SARNP: variants seen among roughly 807,000 people sequenced by gnomAD.
SARNP encodes the protein SAP domain containing ribonucleoprotein.
Under a neutral mutation model 38.1 loss-of-function variants are expected in SARNP, and 5 were observed. The ratio of observed to expected loss-of-function variants is 0.13; its 90% CI spans 0.07 to 0.28. The LOEUF (loss-of-function observed/expected upper bound fraction) is 0.28. SARNP is among the 10% of genes least tolerant of loss of function. The probability of loss-of-function intolerance (pLI) is 1.00; values close to 1 mark genes in which losing one functional copy is unlikely to be tolerated. For synonymous variants in SARNP, 84 were observed against 80.6 expected (o/e 1.04, Z -0.23); for missense variants, 180 against 243.9 (o/e 0.74, Z 1.75).
chr12:55,797,336 G>A (rs2136199106), intron 4 of SARNP, among the ~76,000 whole-genome samples: 1 of 152,284 alleles, frequency 6.6e-6, no homozygotes, highest in South Asian at 2.1e-4. Flanking sequence ...TGGGGGTTGG[G>A]AATCAAACTA....
intron 7 of SARNP, 156 bp downstream of exon 7, chr12:55,794,203 A>G (rs1052770866): frequency 4.4e-6 from 3 of 689,118 alleles, no homozygotes; most frequent in Non-Finnish European, 7.6e-6. Flanking sequence ...GGAAGGCCTA[A>G]GTATAATTTT....
At chr12:55,806,068 T>C (rs1357239751) in intron 1 of SARNP, among the ~76,000 whole-genome samples, 1 of 151,316 alleles carries the variant, frequency 6.6e-6, no homozygotes, top group Admixed American at 6.6e-5. Context: ...TTAAGGCTTT[T>C]GCCAGTTTTA....
chr12:55,794,821 A>C lies in SARNP; in HGVS notation c.363T>G (p.Ala121=), dbSNP rs754294581. Residue 121 remains alanine, a synonymous_variant, in exon 6 of 11, where the codon GCT becomes GCG. Coordinates refer to ENST00000336133, the MANE Select transcript of SARNP (RefSeq NM_033082.4). ...GGGACACTCACCTAGCTGCCCGAGC[A>C]GCTTTCTTACTCTCCAAGCTCACAG... ...NVPVSLESKK[A]ARAARFGISS... 1.1e-5 allele frequency: 17 copies of C among 1,611,250 alleles called. No individual in the cohort carries two copies. Among genetic ancestry groups the C allele is most frequent in the Non-Finnish European group, 1.4e-5 (17 of 1,177,716 alleles).
At chr12:55,756,070 A>G (rs1878497126), downstream of SARNP, 1 of 152,246 alleles carries the variant, frequency 6.6e-6, no homozygotes, top group Admixed American at 6.5e-5. Flanking sequence ...CTCTCAAGTT[A>G]CAAATCAGAT....
chr12:55,817,332 A>G (rs1167045030), intron 1 of SARNP, among the ~76,000 whole-genome samples: 11 of 152,248 alleles, frequency 7.2e-5, no homozygotes, highest in Admixed American at 7.2e-4. Context: ...GACATGGGGC[A>G]AAAAGGAGGG....
rs143810248 is a variant in SARNP, at chr12:55,785,992, C to G, written c.501+3083G>C. 3.5e-3 allele frequency among the ~76,000 whole-genome samples: 538 copies of G among 152,190 alleles called. 2 individuals carry two copies. The highest frequency in any genetic ancestry group is 0.013 in the African/African-American group (519 of 41,520). ...CAGGTTGCTAGTTATTGCTCTAAGT[C>G]TTACAGATGAGGATCAAAGAAGTTC... On this transcript the variant is annotated intron_variant, in intron 9 of 10. Transcript: ENST00000336133.
At chr12:55,773,596 TG>T (rs1205990790) in intron 9 of SARNP, among the ~76,000 whole-genome samples, 3 of 152,082 alleles carry the variant, frequency 2.0e-5, no homozygotes, top group African/African-American at 7.2e-5. Flanking sequence ...TGCAGTTATG[TG>T]GGGAAAAGAG....
At chr12:55,799,984 G>T (rs1214044372) in intron 4 of SARNP, among the ~76,000 whole-genome samples, 1 of 151,616 alleles carries the variant, frequency 6.6e-6, no homozygotes, top group African/African-American at 2.4e-5. Context: ...GAGGTCAGGA[G>T]TTCAAAACCA....
Position 55,800,864 on chromosome 12 carries a change from T to G in SARNP, c.173A>C (p.Asp58Ala). 3 of 1,613,130 alleles carry G rather than the reference T, an allele frequency of 1.9e-6. No individual in the cohort carries two copies. The highest frequency in any genetic ancestry group is 2.5e-6 in the Non-Finnish European group (3 of 1,179,178). ...CTCTATCCAACTCACCTCTGTTTCA[T>G]CTCCCAGTACATCTTCTTCATTTGC... ...EEANEEDVLG[D>A]ETEEEETKPI... The change falls in exon 3 of 11, where the codon GAT (aspartate) becomes GCT (alanine). Residue 58 changes from aspartate (D) to alanine (A), a missense_variant. By Grantham distance (126) the Asp-to-Ala change is moderately radical. This residue lies in a region of SARNP where 161 missense variants were observed against 194.1 expected (regional missense o/e 0.83). Coordinates refer to ENST00000336133, the MANE Select transcript of SARNP (RefSeq NM_033082.4).
At chr12:55,798,407 G>A (rs1235526398) in intron 4 of SARNP, among the ~76,000 whole-genome samples, 1 of 152,182 alleles carries the variant, frequency 6.6e-6, no homozygotes, top group Non-Finnish European at 1.5e-5. Flanking sequence ...GCTGAAGCTG[G>A]AGGACTGCTT....
chr12:55,800,565 T>C lies in SARNP; in HGVS notation c.248A>G (p.Asp83Gly), dbSNP rs746373524. 2 of 1,603,272 alleles carry C rather than the reference T, an allele frequency of 1.2e-6. No homozygotes were observed. ...ATTATAAAAAAGGGATAATTACACA[T>C]CAACAGTTTTTTCAGGGGGTTCTTC... ...KEEEPPEKTV[D>G]VAAEKKVVKI... Residue 83 changes from aspartate (D) to glycine (G), a missense_variant, in exon 4 of 11, where the codon GAT becomes GGT. Physicochemically the swap from Asp to Gly is moderately conservative, Grantham distance 94. Around this residue, in one of 2 missense-constraint regions of SARNP, gnomAD observed 161 missense variants for 194.1 expected, o/e 0.83. Transcript: ENST00000336133.
intron 9 of SARNP, among the ~76,000 whole-genome samples, chr12:55,782,417 G>T (rs1879366600): frequency 6.6e-6 from 1 of 152,098 alleles, no homozygotes; most frequent in Admixed American, 6.6e-5. Flanking sequence ...TCCTTTCCGA[G>T]GGTGCCAATG....
At chr12:55,787,393 G>A (rs1232554276) in intron 9 of SARNP, among the ~76,000 whole-genome samples, 2 of 152,078 alleles carry the variant, frequency 1.3e-5, no homozygotes, top group Non-Finnish European at 2.9e-5. Context: ...TTCTTCCAAT[G>A]GCTTTCTAGA....
chr12:55,765,279 T>C (rs1202554329), intron 9 of SARNP, among the ~76,000 whole-genome samples: 2 of 152,126 alleles, frequency 1.3e-5, no homozygotes, highest in African/African-American at 4.8e-5. Context: ...CAGTTTTGCT[T>C]CTCCTGGTTC....
chr12:55,799,376 T>C (rs1224808889), intron 4 of SARNP, among the ~76,000 whole-genome samples: 1 of 152,180 alleles, frequency 6.6e-6, no homozygotes, highest in African/African-American at 2.4e-5. Context: ...AAATTAAAGA[T>C]GTTTAGGATC....
chr12:55,809,912 G>C (rs972744240), intron 1 of SARNP, among the ~76,000 whole-genome samples: 2 of 152,180 alleles, frequency 1.3e-5, no homozygotes, highest in African/African-American at 2.4e-5. Flanking sequence ...AAGCTAGTTT[G>C]GGAAAAGTGT....
At position 55,758,570 on chromosome 12, in the gene SARNP, G is replaced by A. The variant is rs1008344564; in HGVS notation, c.592-1017C>T. On this transcript the variant is annotated intron_variant, in intron 10 of 10. Transcript: ENST00000336133. ...TGAAGCACAATAATCACTTGAACCC[G>A]GGAGGCGGAGGTTGCAGTGAGCTGA... Among the ~76,000 whole-genome samples, 12 of 152,192 alleles carry A rather than the reference G, an allele frequency of 7.9e-5. No homozygotes were observed. In the East Asian group the frequency reaches 9.7e-4, roughly 12 times the overall value.
At chr12:55,771,130 G>T (rs1346577768) in intron 9 of SARNP, among the ~76,000 whole-genome samples, 1 of 151,698 alleles carries the variant, frequency 6.6e-6, no homozygotes, top group Admixed American at 6.6e-5. Flanking sequence ...TTGTTTGTTT[G>T]TATTTTTAGT....
intron 9 of SARNP, among the ~76,000 whole-genome samples, chr12:55,776,004 T>C (rs117427783): frequency 0.041 from 6,205 of 152,144 alleles, 200 homozygotes; most frequent in Non-Finnish European, 0.058. Flanking sequence ...ACCAAAAAAT[T>C]CCTTCCCCAA....
Sources: gnomAD v4.1 joint callset for allele counts (sites outside exome capture counted in the v4.1 genomes callset) on GRCh38, gnomAD v4.1.1 for gene constraint, gnomAD v4.1.1 regional missense constraint, MANE v1.5 for transcripts, NCBI Gene and HGNC (gene_info 2026-07-23, HGNC 2026-07-21) for gene names.